SETX: variants seen among roughly 807,000 people sequenced by gnomAD.
SETX encodes senataxin, also known as helicase senataxin.
In SETX, 90 loss-of-function variants were observed where a neutral mutation model predicts 227.2. The observed-to-expected ratio is 0.40, with a 90% confidence interval of 0.33 to 0.47. The LOEUF is 0.47. Among genes scored for constraint, SETX ranks in the 20% least tolerant of loss-of-function variants. The pLI is 0.91. For synonymous variants in SETX, 1,210 were observed against 1,113.2 expected (o/e 1.09, Z -1.73); for missense variants, 3,052 against 3,181.5 (o/e 0.96, Z 0.98).
At position 132,314,704 on chromosome 9, in the gene SETX, T is replaced by C. The variant is rs138676153; in HGVS notation, c.5275-2848A>G. 1.5e-3 allele frequency among the ~76,000 whole-genome samples: 232 copies of C among 152,198 alleles called. 7 individuals are homozygous for C. The East Asian group carries it at 0.034, about 23-fold the overall frequency. On this transcript the variant is annotated intron_variant, in intron 10 of 25. Transcript: ENST00000224140. ...TTTTTTCCCAGTAACTAAGAATAGA[T>C]TATTCTACAAAACTGGAGGTTCCTA...
At chr9:132,337,919 G>A (rs1413582883) in intron 5 of SETX, among the ~76,000 whole-genome samples, 3 of 152,034 alleles carry the variant, frequency 2.0e-5, no homozygotes, top group South Asian at 2.1e-4. Context: ...CACCTTCACC[G>A]AATGCTCAAA....
rs1847032332 is a variant in SETX at position 132,328,909 on chromosome 9, T to A, written c.2689A>T (p.Ile897Phe). Reference sequence around the variant, plus strand: ...GCATTGGTCATTTCTGTAAAAGGGATCAATTCTTTACCATCAACATGAAAT... The same window carrying A: ...GCATTGGTCATTTCTGTAAAAGGGAACAATTCTTTACCATCAACATGAAAT... The part of the protein sequence containing the change: ...QEFHVDGKEL[I>F]PFTEMTNASE... The change falls in exon 10 of 26, where the codon ATC becomes TTC. Residue 897 changes from isoleucine to phenylalanine, a missense_variant. This residue lies in a region of SETX where 1,483 missense variants were observed against 1,312.0 expected (regional missense o/e 1.13). Coordinates refer to ENST00000224140, the MANE Select transcript of SETX (RefSeq NM_015046.7). The A allele has an allele frequency of 6.2e-7, 1 of 1,613,756 alleles. No individual in the cohort carries two copies. Among genetic ancestry groups the A allele is most frequent in the African/African-American group, 1.3e-5 (1 of 74,946 alleles).
chr9:132,341,480 T>G (rs575238098), intron 5 of SETX, among the ~76,000 whole-genome samples: 82 of 152,224 alleles, frequency 5.4e-4, no homozygotes, highest in African/African-American at 1.9e-3. Flanking sequence ...AATATAAATT[T>G]GGGCTGCTTT....
At chr9:132,286,720 A>G (rs538161773) in intron 17 of SETX, among the ~76,000 whole-genome samples, 98 of 152,210 alleles carry the variant, frequency 6.4e-4, no homozygotes, top group Non-Finnish European at 1.2e-3. Flanking sequence ...TTAGCATTCC[A>G]GCACTGGGAG....
chr9:132,300,804 C>A lies in SETX; in HGVS notation c.5375-1G>T. ...GCCAGTTCACATTCTTCCAGATAAACTATGAAACAAGAAGAAGTCGGAATT... is the reference window on the plus strand; with the variant it reads ...GCCAGTTCACATTCTTCCAGATAAAATATGAAACAAGAAGAAGTCGGAATT... On this transcript the variant is annotated splice_acceptor_variant, in intron 11 of 25. Transcript: ENST00000224140. LOFTEE classifies it high-confidence loss of function. The A allele has an allele frequency of 6.2e-7, 1 of 1,611,970 alleles. No individual in the cohort carries two copies. Among genetic ancestry groups the A allele is most frequent in the Non-Finnish European group, 8.5e-7 (1 of 1,179,410 alleles).
intron 11 of SETX, among the ~76,000 whole-genome samples, chr9:132,311,214 G>T (rs1047261266): frequency 6.6e-6 from 1 of 152,096 alleles, no homozygotes; most frequent in African/African-American, 2.4e-5. Context: ...ATCCCCGCCC[G>T]CCTCGGCCTC....
rs11790705 is a variant in SETX at position 132,342,422 on chromosome 9, T to C, written c.498+268A>G. 0.15 allele frequency among the ~76,000 whole-genome samples: 23,455 copies of C among 152,144 alleles called. 2,473 individuals carry two copies. Among genetic ancestry groups the C allele is most frequent in the East Asian group, 0.43 (2,239 of 5,172 alleles). On this transcript the variant is annotated intron_variant, in intron 5 of 25. Transcript: ENST00000224140. ...AGAAAGTCAAGAGAAGAGGTCTTCT[T>C]GAGTTCAATTCAACATACTGAAAGG...
intron 3 of SETX, among the ~76,000 whole-genome samples, chr9:132,347,247 C>T (rs752585640): frequency 4.0e-5 from 6 of 151,570 alleles, no homozygotes; most frequent in African/African-American, 1.2e-4. Flanking sequence ...AGGGAAACTC[C>T]ATCTCAAACA....
chr9:132,349,150 A>T, intron 3 of SETX, 102 bp downstream of exon 3: 1 of 1,177,302 alleles, frequency 8.5e-7, no homozygotes, highest in Non-Finnish European at 1.2e-6. Flanking sequence ...CACAAAGTTG[A>T]AATCGTATCA....
At chr9:132,306,432 G>A (rs999544995) in intron 11 of SETX, among the ~76,000 whole-genome samples, 1 of 152,082 alleles carries the variant, frequency 6.6e-6, no homozygotes, top group Non-Finnish European at 1.5e-5. Context: ...GGATGGTCTC[G>A]AACTCCCGAC....
At chr9:132,284,872 A>AT (rs1342695460) in intron 18 of SETX, among the ~76,000 whole-genome samples, 8 of 148,298 alleles carry the variant, frequency 5.4e-5, no homozygotes, top group South Asian at 2.1e-4. Flanking sequence ...CCACAAAGCT[A>AT]TTTTTTTTGT....
At position 132,291,401 on chromosome 9, in the gene SETX, C is replaced by T. The variant is rs536192427; in HGVS notation, c.6107-2750G>A. 1.1e-4 allele frequency among the ~76,000 whole-genome samples: 16 copies of T among 151,072 alleles called. No homozygotes were observed. In the East Asian group the frequency reaches 3.2e-3, roughly 30 times the overall value. ...CAGGATGGTGTTGATCTCCTGACCT[C>T]GTGATCCACCTGCCTTGGCCTCCCA... On this transcript the variant is annotated intron_variant, in intron 15 of 25. Coordinates refer to ENST00000224140, the MANE Select transcript of SETX (RefSeq NM_015046.7).
chr9:132,333,908 G>A (rs1847427900), intron 7 of SETX, among the ~76,000 whole-genome samples: 1 of 151,998 alleles, frequency 6.6e-6, no homozygotes, highest in Non-Finnish European at 1.5e-5. Context: ...AATTTTAATT[G>A]ACTTAAATTT....
In SETX at chr9:132,349,246, T is replaced by C. The variant is rs2131575018; in HGVS notation, c.177+6A>G. 3 of 1,613,708 alleles carry C rather than the reference T, an allele frequency of 1.9e-6. No individual in the cohort carries two copies. Among genetic ancestry groups the C allele is most frequent in the Non-Finnish European group, 2.5e-6 (3 of 1,179,866 alleles). ...TGAAAAATATTGCCCATCTAATATA[T>C]TTTACCTCATGCAAGAATGGCAATT... On this transcript the variant is annotated splice_donor_region_variant and intron_variant, in intron 3 of 25. Transcript: ENST00000224140.
intron 10 of SETX, among the ~76,000 whole-genome samples, chr9:132,322,766 A>G (rs1846440370): frequency 6.6e-6 from 1 of 152,238 alleles, no homozygotes; most frequent in African/African-American, 2.4e-5. Flanking sequence ...TATAAACACT[A>G]AAATGAACAG....
intron 16 of SETX, 97 bp from the exon 17 acceptor site, chr9:132,288,448 GC>G (rs1844063215): frequency 1.4e-6 from 2 of 1,397,968 alleles, no homozygotes; most frequent in African/African-American, 2.9e-5. Context: ...AGTTCCCAAA[GC>G]CAGACTAATT....
chr9:132,282,821 C>A, intron 19 of SETX: 1 of 203,884 alleles, frequency 4.9e-6, no homozygotes, highest in East Asian at 1.2e-4. Context: ...TCTCTGGTAT[C>A]TCCTGCTCCA....
At chr9:132,340,962 C>T (rs866720822) in intron 5 of SETX, among the ~76,000 whole-genome samples, 3 of 152,168 alleles carry the variant, frequency 2.0e-5, no homozygotes, top group Non-Finnish European at 2.9e-5. Flanking sequence ...CTCCCACAGG[C>T]ACTGCCAGAT....
In SETX at chr9:132,329,114, A is replaced by G; in HGVS notation, c.2484T>C (p.Asp828=). 6.2e-7 allele frequency: 1 copy of G among 1,610,210 alleles called. No homozygotes were observed. The change falls in exon 10 of 26, where the codon GAT becomes GAC. Residue 828 remains aspartate, a synonymous_variant. Transcript: ENST00000224140. ...AACCATCTCCTTTCTGAACTCCTGT[A>G]TCTTTCCTTGAATAGAAACTCTCAA... ...SNIESFYSRK[D]TGVQKGDGFI...
Sources: gnomAD v4.1 joint callset for allele counts (sites outside exome capture counted in the v4.1 genomes callset) on GRCh38, gnomAD v4.1.1 for gene constraint, gnomAD v4.1.1 regional missense constraint, MANE v1.5 for transcripts, NCBI Gene and HGNC (gene_info 2026-07-23, HGNC 2026-07-21) for gene names.